The following PUS1 variants were observed in gnomAD, a reference collection of about 807,000 sequenced individuals.
The protein encoded by PUS1 is pseudouridine synthase 1.
PUS1 carries 25 observed loss-of-function variants against 38.5 expected under a neutral mutation model. That is an observed-to-expected ratio of 0.65 (90% confidence interval 0.47 to 0.91). The LOEUF (loss-of-function observed/expected upper bound fraction) is 0.91, where lower values mean the gene tolerates loss of function less well. Among genes scored for constraint, PUS1 ranks in the 40% least tolerant of loss-of-function variants. The probability of loss-of-function intolerance (pLI) is 0.00; values close to 1 mark genes in which losing one functional copy is unlikely to be tolerated. For missense variants in PUS1, 597 were observed against 612.3 expected (o/e 0.97, Z 0.26); for synonymous variants, 282 against 260.4 (o/e 1.08, Z -0.80).
intron 3 of PUS1, chr12:131,932,728 G>C (rs913211663): frequency 7.7e-6 from 3 of 390,910 alleles, no homozygotes; most frequent in Non-Finnish European, 1.5e-5. Context: ...TTAGAGTCAG[G>C]ATCTCATTCT....
chr12:131,942,300 C>T (rs551783657), intron 5 of PUS1, among the ~76,000 whole-genome samples: 13 of 152,280 alleles, frequency 8.5e-5, no homozygotes, highest in East Asian at 1.9e-4. Context: ...AGAACCGGAA[C>T]ATACAGGATT....
Position 131,941,357 on chromosome 12 carries a change from C to T in PUS1, c.610C>T (p.Leu204=). 2 of 1,614,240 alleles carry T rather than the reference C, an allele frequency of 1.2e-6. No individual in the cohort carries two copies. The highest frequency in any genetic ancestry group is 8.5e-7 in the Non-Finnish European group (1 of 1,180,052). The change falls in exon 5 of 6, where the codon CTG becomes TTG. Residue 204 remains leucine, a synonymous_variant. Transcript: ENST00000376649. This position sits in a 1 kb window ranked among gnomAD's most constrained non-coding sequence, Gnocchi z 4.4. ...NRCDARTYCY[L]LPTFAFAHKD... is the part of the protein sequence containing the mutation. ...ATGTGATGCCAGGACCTATTGCTAC[C>T]TGCTGCCCACGTTTGCCTTTGCGCA... is the stretch of plus-strand genomic sequence containing the variant.
rs753993334 is a variant in PUS1, at chr12:131,943,985, A to G, written c.*399A>G. ...AGAGAAAGGCCCAGGAGGTTGGCTC[A>G]GCCTGTAATCCCAGCACTTGGGAGG... On this transcript the variant is annotated 3_prime_UTR_variant, in exon 6 of 6. Transcript: ENST00000376649. 6.6e-5 allele frequency: 18 copies of G among 272,312 alleles called. No homozygotes were observed. The highest frequency in any genetic ancestry group is 1.2e-4 in the Non-Finnish European group (17 of 137,978). 16.9% of individuals were successfully genotyped at this position (272,312 alleles called of 1,614,324 possible). A position where few individuals can be genotyped will look rare whatever the true frequency, so the allele number is the denominator to read the frequency against.
chr12:131,938,282 A>G (rs1272593692), intron 3 of PUS1, among the ~76,000 whole-genome samples: 1 of 152,036 alleles, frequency 6.6e-6, no homozygotes, highest in Non-Finnish European at 1.5e-5. Flanking sequence ...TGTCTCTACA[A>G]AAAAAATTGA....
intron 4 of PUS1, among the ~76,000 whole-genome samples, chr12:131,940,200 T>C (rs1162496907): frequency 6.6e-6 from 1 of 151,556 alleles, no homozygotes; most frequent in East Asian, 2.0e-4. Flanking sequence ...GGCTGAATTT[T>C]TATTTTTATT....
chr12:131,934,048 C>T (rs1469456718), intron 3 of PUS1, among the ~76,000 whole-genome samples: 2 of 152,230 alleles, frequency 1.3e-5, no homozygotes, highest in African/African-American at 4.8e-5. Context: ...AGAGGAAGGA[C>T]AGCATACGTC....
chr12:131,929,578 C>T lies in PUS1; in HGVS notation c.-145C>T. 1.5e-6 allele frequency: 1 copy of T among 668,866 alleles called. No homozygotes were observed. The highest frequency in any genetic ancestry group is 2.2e-5 in the South Asian group (1 of 45,054). The allele number at this position is 668,866 out of a possible 1,614,324, so 41.4% of individuals were successfully genotyped here. ...GGTCAGCTGGAGAGGGGCTGGGGCG[C>T]CGGTTTCCCGGAGGTCAGGGGTCAG... is the stretch of plus-strand genomic sequence containing the variant. On this transcript the variant is annotated 5_prime_UTR_variant, in exon 1 of 6. Coordinates refer to ENST00000376649, the MANE Select transcript of PUS1 (RefSeq NM_025215.6).
chr12:131,936,669 A>G (rs1417557886), intron 3 of PUS1, among the ~76,000 whole-genome samples: 2 of 152,176 alleles, frequency 1.3e-5, no homozygotes, highest in Non-Finnish European at 2.9e-5. Context: ...TGGACGGATC[A>G]CTTGAGGCCA....
rs1457306015 is a variant in PUS1 at position 131,944,006 on chromosome 12, G to C, written c.*420G>C. Reference sequence around the variant, plus strand: ...GCTCAGCCTGTAATCCCAGCACTTGGGAGGCTGAGGTGGGCAGATCGCTTG... The same window carrying C: ...GCTCAGCCTGTAATCCCAGCACTTGCGAGGCTGAGGTGGGCAGATCGCTTG... On this transcript the variant is annotated 3_prime_UTR_variant, in exon 6 of 6. Coordinates refer to ENST00000376649, the MANE Select transcript of PUS1 (RefSeq NM_025215.6). 1 of 252,962 alleles carries C rather than the reference G, an allele frequency of 4.0e-6. No homozygotes were observed. The highest frequency in any genetic ancestry group is 7.9e-6 in the Non-Finnish European group (1 of 127,134). 15.7% of individuals were successfully genotyped at this position (252,962 alleles called of 1,614,324 possible). A position where few individuals can be genotyped will look rare whatever the true frequency, so the allele number is the denominator to read the frequency against.
At chr12:131,936,576 A>G (rs936846008) in intron 3 of PUS1, among the ~76,000 whole-genome samples, 20 of 152,084 alleles carry the variant, frequency 1.3e-4, no homozygotes, top group Admixed American at 5.2e-4. Flanking sequence ...AAAACAAAAC[A>G]AAACAAAAGA....
intron 3 of PUS1, among the ~76,000 whole-genome samples, chr12:131,935,591 A>G (rs1408691938): frequency 2.0e-5 from 3 of 152,012 alleles, no homozygotes; most frequent in African/African-American, 4.8e-5. Flanking sequence ...CTGGAGTGCA[A>G]TGGCGTGATC....
intron 3 of PUS1, among the ~76,000 whole-genome samples, chr12:131,937,421 T>C (rs1206637596): frequency 6.6e-6 from 1 of 152,134 alleles, no homozygotes; most frequent in Non-Finnish European, 1.5e-5. Context: ...GTTGCCCAGG[T>C]TGGAGTGCAA....
At chr12:131,942,056 T>C in intron 5 of PUS1, 73 bp downstream of exon 5, 9 of 1,359,078 alleles carry the variant, frequency 6.6e-6, no homozygotes, top group Non-Finnish European at 6.2e-6. Flanking sequence ...AGGAGTGAGC[T>C]GAGGCACAGA....
intron 4 of PUS1, chr12:131,940,857 G>T (rs1051241089): frequency 5.5e-6 from 1 of 181,768 alleles, no homozygotes; most frequent in African/African-American, 2.3e-5. Context: ...ACAGGCATGA[G>T]CCACTGCGCC....
intron 5 of PUS1, 76 bp from the exon 6 acceptor site, chr12:131,943,463 C>T: frequency 4.0e-6 from 5 of 1,253,280 alleles, no homozygotes; most frequent in Non-Finnish European, 5.9e-6. Context: ...CCAAGCCTGT[C>T]ATGGGCCCCT....
At chr12:131,935,826 C>T (rs991169246) in intron 3 of PUS1, among the ~76,000 whole-genome samples, 2 of 152,114 alleles carry the variant, frequency 1.3e-5, no homozygotes, top group Non-Finnish European at 2.9e-5. Flanking sequence ...AGCCCCCGTG[C>T]CCGGCCTATT....
intron 1 of PUS1, 36 bp downstream of exon 1, chr12:131,929,832 CGCCCA>C (rs781502178): frequency 6.0e-6 from 9 of 1,506,496 alleles, no homozygotes; most frequent in Admixed American, 3.8e-5. Context: ...CCGCTATGCC[CGCCCA>C]GCCCAGCCCA....
rs1346105188 is a variant in PUS1 at position 131,942,550 on chromosome 12, G to A, written c.1236+567G>A. ...GCCTCCCGAGTAGCTGGGACTACAGGCGCCCACCACCACGCCCGGCTCATT... is the reference window on the plus strand; with the variant it reads ...GCCTCCCGAGTAGCTGGGACTACAGACGCCCACCACCACGCCCGGCTCATT... On this transcript the variant is annotated intron_variant, in intron 5 of 5. Transcript: ENST00000376649. 4.6e-5 allele frequency among the ~76,000 whole-genome samples: 7 copies of A among 152,222 alleles called. No individual in the cohort carries two copies. In the East Asian group the frequency reaches 1.2e-3, roughly 25 times the overall value.
chr12:131,931,232 T>C (rs1387600386), intron 2 of PUS1, among the ~76,000 whole-genome samples: 1 of 151,824 alleles, frequency 6.6e-6, no homozygotes. Context: ...GATTTTGGCT[T>C]ACTGCAGCCT....
Sources: allele counts gnomAD v4.1 joint callset (sites outside exome capture counted in the v4.1 genomes callset), GRCh38; gene constraint gnomAD v4.1.1; non-coding constraint Gnocchi (gnomAD v3.1); transcripts MANE v1.5; gene names NCBI Gene and HGNC (gene_info 2026-07-23, HGNC 2026-07-21).